ROBO1: variants seen among roughly 807,000 people sequenced by gnomAD.
ROBO1 encodes the protein roundabout homolog 1.
ROBO1 carries 149 observed loss-of-function variants against 195.9 expected under a neutral mutation model. That is an observed-to-expected ratio of 0.76 (90% CI 0.67 to 0.87). The LOEUF (loss-of-function observed/expected upper bound fraction) is 0.87. Among genes scored for constraint, ROBO1 ranks in the 40% least tolerant of loss-of-function variants. ROBO1 has a pLI of 0.00. For missense variants in ROBO1, 1,933 were observed against 2,068.3 expected (o/e 0.93, Z 1.27); for synonymous variants, 816 against 733.2 (o/e 1.11, Z -1.82).
intron 5 of ROBO1, among the ~76,000 whole-genome samples, chr3:78,720,955 G>GC (rs2082029110): frequency 6.6e-6 from 1 of 150,892 alleles, no homozygotes; most frequent in African/African-American, 2.5e-5. Flanking sequence ...GGGGTTGGGG[G>GC]GGGGGCGGTG....
intron 2 of ROBO1, among the ~76,000 whole-genome samples, chr3:79,469,050 C>T (rs1938124789): frequency 6.6e-6 from 1 of 151,986 alleles, no homozygotes; most frequent in Non-Finnish European, 1.5e-5. Context: ...ACTAACAAGA[C>T]AAAATGGGAA....
At chr3:79,711,561 C>A (rs1215955624) in intron 1 of ROBO1, among the ~76,000 whole-genome samples, 3 of 152,038 alleles carry the variant, frequency 2.0e-5, no homozygotes, top group Non-Finnish European at 4.4e-5. Context: ...CACATCTAAT[C>A]ATATATTGAT....
Position 78,668,140 on chromosome 3 carries a change from G to T in ROBO1, c.1793C>A (p.Ala598Asp). ...AGCATCTCCTTCACTCTACCTGAAG[G>T]CTTCTATAATATAAGATGTTGGAGT... ...GATPTSYIIE[A>D]FSHASGSSWQ... is the part of the protein sequence containing the mutation. The change falls in exon 13 of 31, where the codon GCC (alanine) becomes GAC (aspartate). Residue 598 changes from alanine to aspartate, a missense_variant. Ala to Asp is a moderately radical substitution (Grantham distance 126). Transcript: ENST00000464233. 3.7e-6 allele frequency: 6 copies of T among 1,613,406 alleles called. No homozygotes were observed. The highest frequency in any genetic ancestry group is 5.1e-6 in the Non-Finnish European group (6 of 1,179,648).
chr3:78,993,662 C>T (rs931470667), intron 3 of ROBO1, among the ~76,000 whole-genome samples: 3 of 152,100 alleles, frequency 2.0e-5, no homozygotes, highest in East Asian at 1.9e-4. Context: ...CACACCAGAT[C>T]GGGTGGCTGT....
chr3:79,006,280 T>C (rs2077618928), intron 3 of ROBO1, among the ~76,000 whole-genome samples: 1 of 152,140 alleles, frequency 6.6e-6, no homozygotes, highest in African/African-American at 2.4e-5. Flanking sequence ...AGGAGAAGCT[T>C]TTGGTTAAGT....
chr3:79,464,936 T>C (rs1241087922), intron 2 of ROBO1, among the ~76,000 whole-genome samples: 1 of 152,140 alleles, frequency 6.6e-6, no homozygotes, highest in Non-Finnish European at 1.5e-5. Context: ...TGGGCAGCCA[T>C]AGACTCATGG....
intron 2 of ROBO1, among the ~76,000 whole-genome samples, chr3:79,423,856 G>A (rs2038333261): frequency 3.9e-5 from 6 of 152,064 alleles, no homozygotes. Context: ...GAGTGAGATA[G>A]GGATTCAGAT....
At chr3:79,225,962 G>A (rs1576839964) in intron 2 of ROBO1, among the ~76,000 whole-genome samples, 2 of 152,148 alleles carry the variant, frequency 1.3e-5, no homozygotes, top group South Asian at 4.2e-4. Context: ...CTCTCTCTCA[G>A]TCACATTAGC....
At chr3:79,625,725 C>T (rs1320934810) in intron 1 of ROBO1, among the ~76,000 whole-genome samples, 2 of 151,914 alleles carry the variant, frequency 1.3e-5, no homozygotes, top group Non-Finnish European at 2.9e-5. Context: ...AAAAGCCTAC[C>T]AACCAAAAAA....
chr3:78,911,655 G>C (rs2038248063), intron 4 of ROBO1, among the ~76,000 whole-genome samples: 3 of 151,966 alleles, frequency 2.0e-5, no homozygotes, highest in Non-Finnish European at 4.4e-5. Context: ...TTGCCTTTGG[G>C]GAATTTTGAG....
intron 2 of ROBO1, among the ~76,000 whole-genome samples, chr3:79,530,686 C>T (rs944969522): frequency 1.5e-4 from 23 of 151,686 alleles, no homozygotes; most frequent in African/African-American, 5.3e-4. Context: ...GGCCTCTACT[C>T]TACCCCACTA....
At chr3:79,444,369 T>C (rs1043456139) in intron 2 of ROBO1, among the ~76,000 whole-genome samples, 2 of 151,966 alleles carry the variant, frequency 1.3e-5, no homozygotes, top group African/African-American at 4.8e-5. Context: ...CCAATAATGA[T>C]AAGAGCAGTA....
intron 8 of ROBO1, among the ~76,000 whole-genome samples, chr3:78,705,512 T>C (rs2081528856): frequency 6.6e-6 from 1 of 152,236 alleles, no homozygotes; most frequent in Non-Finnish European, 1.5e-5. Flanking sequence ...TGTATCAGGA[T>C]GAGCACTTAA....
At chr3:78,602,666 A>T (rs1703246508) in intron 29 of ROBO1, among the ~76,000 whole-genome samples, 1 of 152,134 alleles carries the variant, frequency 6.6e-6, no homozygotes, top group African/African-American at 2.4e-5. Context: ...CGTCATTAAT[A>T]CATTGTTTTA....
chr3:79,360,146 A>C (rs923057292), intron 2 of ROBO1, among the ~76,000 whole-genome samples: 4 of 152,080 alleles, frequency 2.6e-5, no homozygotes, highest in Non-Finnish European at 4.4e-5. Flanking sequence ...AGGTTTAATT[A>C]CTAGATGCTT....
chr3:79,554,303 T>C (rs1402185229), intron 2 of ROBO1, among the ~76,000 whole-genome samples: 1 of 152,016 alleles, frequency 6.6e-6, no homozygotes, highest in Non-Finnish European at 1.5e-5. Context: ...TAAGTGGTAA[T>C]TTATCAATGT....
At chr3:79,202,348 G>A (rs955459719) in intron 2 of ROBO1, among the ~76,000 whole-genome samples, 1 of 151,880 alleles carries the variant, frequency 6.6e-6, no homozygotes, top group African/African-American at 2.4e-5. Flanking sequence ...TACACATGAA[G>A]CCTAAAAATC....
intron 1 of ROBO1, among the ~76,000 whole-genome samples, chr3:79,762,779 T>A (rs1344609740): frequency 6.6e-6 from 1 of 152,146 alleles, no homozygotes; most frequent in Non-Finnish European, 1.5e-5. Flanking sequence ...GAAATTGTCA[T>A]TTTTGCCCTG....
intron 4 of ROBO1, among the ~76,000 whole-genome samples, chr3:78,873,221 T>C (rs2035647634): frequency 6.6e-6 from 1 of 152,162 alleles, no homozygotes; most frequent in East Asian, 1.9e-4. Flanking sequence ...ACTTCCTACT[T>C]TTCTTTCCTC....
Sources: allele counts gnomAD v4.1 joint callset (sites outside exome capture counted in the v4.1 genomes callset), GRCh38; gene constraint gnomAD v4.1.1; transcripts MANE v1.5; gene names NCBI Gene and HGNC (gene_info 2026-07-23, HGNC 2026-07-21).